The following TRIQK variants were observed in gnomAD, a reference collection of about 807,000 sequenced individuals.
TRIQK encodes the protein triple QxxK/R motif containing.
In TRIQK, 10 loss-of-function variants were observed where a neutral mutation model predicts 10.8. The ratio of observed to expected loss-of-function variants is 0.92; its 90% CI spans 0.57 to 1.57. The LOEUF (loss-of-function observed/expected upper bound fraction) is 1.57, where lower values mean the gene tolerates loss of function less well. Ranked by LOEUF, TRIQK falls within the 40% of genes most tolerant of loss-of-function variation. The pLI is 0.00. For synonymous variants in TRIQK, 33 were observed against 33.7 expected (o/e 0.98, Z 0.07); for missense variants, 107 against 97.7 (o/e 1.09, Z -0.40).
At chr8:92,907,083 A>G (rs899510928) in intron 3 of TRIQK, among the ~76,000 whole-genome samples, 4 of 152,212 alleles carry the variant, frequency 2.6e-5, no homozygotes, top group African/African-American at 9.6e-5. Context: ...AGATTGATTC[A>G]TTGATTCCAA....
chr8:92,934,865 T>G (rs1586453863), intron 2 of TRIQK, among the ~76,000 whole-genome samples: 2 of 151,812 alleles, frequency 1.3e-5, no homozygotes, highest in African/African-American at 4.8e-5. Context: ...AAAAGGTTAA[T>G]GGAAATAAGC....
In TRIQK at chr8:92,885,240, T is replaced by C. The variant is rs2130206782; in HGVS notation, c.*1382A>G. On this transcript the variant is annotated 3_prime_UTR_variant, in exon 5 of 5. Coordinates refer to ENST00000521988, the MANE Select transcript of TRIQK (RefSeq NM_001171797.2). ...ATAATGCTACACAGTCACAGTCGAC[T>C]TTTTGCAAAAGTACCAGAGAATATC... The C allele has an allele frequency of 3.1e-6, 1 of 322,930 alleles. No homozygotes were observed. Among genetic ancestry groups the C allele is most frequent in the Admixed American group, 4.0e-5 (1 of 24,712 alleles). The allele number at this position is 322,930 out of a possible 1,614,324, so 20.0% of individuals were successfully genotyped here. A position where few individuals can be genotyped will look rare whatever the true frequency, so the allele number is the denominator to read the frequency against.
At chr8:92,906,749 C>G (rs1174614241) in intron 3 of TRIQK, among the ~76,000 whole-genome samples, 1 of 147,776 alleles carries the variant, frequency 6.8e-6, no homozygotes, top group Admixed American at 6.8e-5. Flanking sequence ...AAAATTTAGC[C>G]GGGCGTGGTG....
At chr8:92,890,884 T>G (rs1013921700) in intron 4 of TRIQK, among the ~76,000 whole-genome samples, 3 of 151,884 alleles carry the variant, frequency 2.0e-5, no homozygotes, top group African/African-American at 7.2e-5. Flanking sequence ...ACACTGCTTT[T>G]TAAAAAGTCA....
chr8:92,970,974 A>G (rs1812868841), upstream of TRIQK, among the ~76,000 whole-genome samples: 1 of 152,048 alleles, frequency 6.6e-6, no homozygotes, highest in Non-Finnish European at 1.5e-5. Flanking sequence ...TTTTTTGTAT[A>G]AGGTATAAGG....
chr8:93,005,838 C>A (rs1249351211), intron 1 of TRIQK, among the ~76,000 whole-genome samples: 1 of 152,020 alleles, frequency 6.6e-6, no homozygotes, highest in Non-Finnish European at 1.5e-5. Flanking sequence ...AATAAAAGTT[C>A]TCCAAATTGG....
At chr8:92,947,243 T>A (rs1811584122) in intron 2 of TRIQK, among the ~76,000 whole-genome samples, 1 of 148,268 alleles carries the variant, frequency 6.7e-6, no homozygotes, top group Non-Finnish European at 1.5e-5. Context: ...CTCTCAACAG[T>A]GTTTATATAT....
intron 1 of TRIQK, chr8:92,965,037 A>G (rs1223557260): frequency 6.6e-6 from 1 of 152,172 alleles, no homozygotes; most frequent in Non-Finnish European, 1.5e-5. Flanking sequence ...ATTAGGAGAC[A>G]GAGTATATGA....
intron 1 of TRIQK, among the ~76,000 whole-genome samples, chr8:92,999,886 G>C (rs1198788224): frequency 6.6e-6 from 1 of 152,032 alleles, no homozygotes; most frequent in Non-Finnish European, 1.5e-5. Flanking sequence ...TAAATTTGAA[G>C]TGAGTTATAC....
intron 3 of TRIQK, among the ~76,000 whole-genome samples, chr8:92,893,341 T>C (rs541317214): frequency 6.6e-6 from 1 of 152,140 alleles, no homozygotes; most frequent in East Asian, 1.9e-4. Flanking sequence ...AAGTGTTTGT[T>C]TGGCTGGAAA....
At chr8:92,914,109 A>C (rs567303767) in intron 3 of TRIQK, among the ~76,000 whole-genome samples, 4 of 152,304 alleles carry the variant, frequency 2.6e-5, no homozygotes, top group East Asian at 1.9e-4. Context: ...CCTAGAACTT[A>C]AGGTATAACA....
intron 1 of TRIQK, among the ~76,000 whole-genome samples, chr8:92,993,737 C>T (rs898854237): frequency 1.2e-4 from 19 of 152,198 alleles, no homozygotes; most frequent in Non-Finnish European, 2.8e-4. Flanking sequence ...ATTCCCGTGT[C>T]TGCAAGAGTT....
chr8:92,917,099 A>G (rs1281831159), intron 2 of TRIQK, 89 bp from the exon 3 acceptor site: 9 of 655,152 alleles, frequency 1.4e-5, no homozygotes, highest in Non-Finnish European at 2.0e-5. Flanking sequence ...ATTCATTTTT[A>G]AAGCAATGGG....
intron 1 of TRIQK, among the ~76,000 whole-genome samples, chr8:92,959,845 G>C (rs1204174722): frequency 6.6e-6 from 1 of 152,072 alleles, no homozygotes; most frequent in African/African-American, 2.4e-5. Context: ...ATACGTAAGA[G>C]TGGTTTTCTG....
intron 1 of TRIQK, among the ~76,000 whole-genome samples, chr8:93,006,200 A>G (rs1388693769): frequency 6.6e-6 from 1 of 152,048 alleles, no homozygotes; most frequent in Non-Finnish European, 1.5e-5. Flanking sequence ...AGCTGTGGTC[A>G]GAGGCTCCCA....
chr8:92,981,445 A>C (rs558758074), intron 1 of TRIQK, among the ~76,000 whole-genome samples: 1 of 152,070 alleles, frequency 6.6e-6, no homozygotes, highest in South Asian at 2.1e-4. Context: ...AACTCATGAA[A>C]TCAATAGTTT....
At chr8:92,932,215 A>G (rs536762261) in intron 2 of TRIQK, among the ~76,000 whole-genome samples, 95 of 152,230 alleles carry the variant, frequency 6.2e-4, no homozygotes, top group African/African-American at 2.1e-3. Context: ...TTCACTTTAT[A>G]TATTACGCCC....
At chr8:92,910,160 T>C (rs1408774080) in intron 3 of TRIQK, among the ~76,000 whole-genome samples, 1 of 151,464 alleles carries the variant, frequency 6.6e-6, no homozygotes, top group African/African-American at 2.4e-5. Flanking sequence ...AAAAATTAGA[T>C]GGAGCTTCTG....
intron 1 of TRIQK, among the ~76,000 whole-genome samples, chr8:93,003,956 T>G (rs1237320148): frequency 6.6e-6 from 1 of 152,216 alleles, no homozygotes; most frequent in Non-Finnish European, 1.5e-5. Context: ...TCCCTGTGGC[T>G]TGCAGGGTGC....
Sources: allele counts gnomAD v4.1 joint callset (sites outside exome capture counted in the v4.1 genomes callset), GRCh38; gene constraint gnomAD v4.1.1; transcripts MANE v1.5; gene names NCBI Gene and HGNC (gene_info 2026-07-23, HGNC 2026-07-21).